The following TRPV1 variants were observed in gnomAD, a reference collection of about 807,000 sequenced individuals.
TRPV1 encodes the protein OTRPC1.
In TRPV1, 82 loss-of-function variants were observed where a neutral mutation model predicts 82.3. That is an observed-to-expected ratio of 1.00 (90% CI 0.83 to 1.20). The LOEUF (loss-of-function observed/expected upper bound fraction) is 1.20. Ranked by LOEUF, TRPV1 falls within the 50% of genes most tolerant of loss-of-function variation. TRPV1 has a pLI of 0.00. For synonymous variants in TRPV1, 515 were observed against 467.7 expected (o/e 1.10, Z -1.30); for missense variants, 1,067 against 1,096.8 (o/e 0.97, Z 0.38).
At chr17:3,591,592 C>T (rs562972279) in intron 3 of TRPV1, among the ~76,000 whole-genome samples, 1 of 152,226 alleles carries the variant, frequency 6.6e-6, no homozygotes, top group African/African-American at 2.4e-5. Context: ...GAAAGTCACC[C>T]TCCTACTCCC....
chr17:3,592,426 C>CA, intron 2 of TRPV1, 43 bp from the exon 3 acceptor site: 1 of 1,492,924 alleles, frequency 6.7e-7, no homozygotes, highest in Non-Finnish European at 8.9e-7. Context: ...AAAGTAAGGA[C>CA]TGCTTGTCCT....
intron 10 of TRPV1, among the ~76,000 whole-genome samples, chr17:3,582,285 T>C (rs1240995022): frequency 3.3e-5 from 5 of 150,246 alleles, no homozygotes; most frequent in Non-Finnish European, 5.9e-5. Flanking sequence ...GGTGGGAGGA[T>C]TGCTTGAGCC....
At chr17:3,588,991 T>C in intron 7 of TRPV1, 2 of 1,531,032 alleles carry the variant, frequency 1.3e-6, no homozygotes, top group Non-Finnish European at 1.7e-6. Flanking sequence ...AGAAAGAGAA[T>C]GCAAGAAATG....
Position 3,572,828 on chromosome 17 carries a change from C to T in TRPV1, c.2104-579G>A, listed in dbSNP as rs536378174. On this transcript the variant is annotated intron_variant, in intron 14 of 16. Coordinates refer to ENST00000572705, the MANE Select transcript of TRPV1 (RefSeq NM_080704.4). ...TGAAACCCCATCTCTACTAAAAATA[C>T]AAAAATTAGCTGGGTGTGGTGGTGG... 2.3e-4 allele frequency among the ~76,000 whole-genome samples: 35 copies of T among 152,024 alleles called. No individual in the cohort carries two copies. In the South Asian group the frequency reaches 6.2e-3, roughly 27 times the overall value.
chr17:3,594,458 G>T (rs895831021), intron 2 of TRPV1, among the ~76,000 whole-genome samples: 1 of 152,088 alleles, frequency 6.6e-6, no homozygotes, highest in African/African-American at 2.4e-5. Context: ...GGCCATGGCT[G>T]TAAACCAGCT....
At chr17:3,580,644 G>GTT in intron 10 of TRPV1, 117 bp from the exon 11 acceptor site, 1 of 1,100,944 alleles carries the variant, frequency 9.1e-7, no homozygotes, top group Non-Finnish European at 1.4e-6. Context: ...TGAAAGCACA[G>GTT]ATTGTGAAAA....
intron 8 of TRPV1, among the ~76,000 whole-genome samples, chr17:3,586,998 CTCT>C (rs1367484541): frequency 6.6e-6 from 1 of 152,106 alleles, no homozygotes; most frequent in Non-Finnish European, 1.5e-5. Context: ...TAGGGAATAC[CTCT>C]TCTTTGGTCT....
intron 10 of TRPV1, among the ~76,000 whole-genome samples, chr17:3,582,189 CAAAAAAA>C (rs71153376): frequency 3.9e-5 from 1 of 25,914 alleles, no homozygotes; most frequent in Non-Finnish European, 7.3e-5. Context: ...GACTCCATCT[CAAAAAAA>C]AAAAAAAAAA....
At chr17:3,569,217 G>C (rs201227507) in intron 16 of TRPV1, among the ~76,000 whole-genome samples, 1 of 152,072 alleles carries the variant, frequency 6.6e-6, no homozygotes, top group Non-Finnish European at 1.5e-5. Context: ...GTATACATAT[G>C]TAACAAACCT....
intron 13 of TRPV1, among the ~76,000 whole-genome samples, chr17:3,576,668 A>AAAAAAAAAAATATATATATATATAT: frequency 2.3e-4 from 9 of 38,418 alleles, no homozygotes; most frequent in Admixed American, 4.5e-4. Flanking sequence ...AAAAAAAAAA[A>AAAAAAAAAAATATATATATATATAT]ATATATATAT....
At chr17:3,597,718 G>T (rs2075231913) in intron 2 of TRPV1, among the ~76,000 whole-genome samples, 1 of 140,608 alleles carries the variant, frequency 7.1e-6, no homozygotes, top group African/African-American at 2.9e-5. Context: ...CTGTCGTCCA[G>T]GCTGGAGTGC....
At chr17:3,600,741 G>A (rs930265407) in intron 2 of TRPV1, among the ~76,000 whole-genome samples, 6 of 152,158 alleles carry the variant, frequency 3.9e-5, no homozygotes, top group African/African-American at 1.4e-4. Context: ...TCAGAGGCCT[G>A]CAGGGGAAGT....
At position 3,567,093 on chromosome 17, in the gene TRPV1, C is replaced by T. The variant is rs552681585; in HGVS notation, c.2348-106G>A. ...GAGGTCCAAGACAGGCACGATGGCT[C>T]ATGCCTGTAATCCCAGCACTTTGGG... is the stretch of plus-strand genomic sequence containing the variant. On this transcript the variant is annotated intron_variant, in intron 16 of 16. Transcript: ENST00000572705. 73 of 1,331,500 alleles carry T rather than the reference C, an allele frequency of 5.5e-5. No homozygotes were observed. In the Middle Eastern group the frequency reaches 8.3e-4, roughly 15 times the overall value. The allele number at this position is 1,331,500 out of a possible 1,614,324, so 82.5% of individuals were successfully genotyped here. A position where few individuals can be genotyped will look rare whatever the true frequency, so the allele number is the denominator to read the frequency against.
chr17:3,583,474 T>C, intron 9 of TRPV1, 44 bp from the exon 10 acceptor site: 2 of 1,462,052 alleles, frequency 1.4e-6, no homozygotes, highest in Non-Finnish European at 1.9e-6. Context: ...ACTCATTCGT[T>C]CATTCAACAA....
intron 14 of TRPV1, 101 bp downstream of exon 14, chr17:3,573,532 G>GCCCACCCCCCCCCCCC: frequency 3.9e-6 from 1 of 257,076 alleles, no homozygotes. Context: ...GCCACACACC[G>GCCCACCCCCCCCCCCC]CCCCCACCAC....
intron 2 of TRPV1, among the ~76,000 whole-genome samples, chr17:3,605,982 A>G (rs996137333): frequency 6.6e-6 from 1 of 152,026 alleles, no homozygotes. Context: ...TTTTAAAGAC[A>G]GAATCTCGCT....
At position 3,580,020 on chromosome 17, in the gene TRPV1, C is replaced by T. The variant is rs182843448; in HGVS notation, c.1547+437G>A. On this transcript the variant is annotated intron_variant, in intron 11 of 16. Coordinates refer to ENST00000572705, the MANE Select transcript of TRPV1 (RefSeq NM_080704.4). ...GCTATATACTCTACGATGCACAGGG[C>T]AGCCCCCGCCCCGCCCCGCCCCCCA... Among the ~76,000 whole-genome samples the T allele has an allele frequency of 1.2e-3, 161 of 131,064 alleles. 2 individuals are homozygous for T. Among genetic ancestry groups the T allele is most frequent in the Admixed American group, 3.6e-3 (46 of 12,758 alleles). The allele number at this position is 131,064 out of a possible 152,430, so 86.0% of individuals were successfully genotyped here.
chr17:3,570,552 A>C (rs373615269), intron 16 of TRPV1, among the ~76,000 whole-genome samples: 2 of 152,334 alleles, frequency 1.3e-5, no homozygotes, highest in African/African-American at 4.8e-5. Context: ...CAAAGTGTTC[A>C]GGGTTGTAAT....
chr17:3,608,072 G>A (rs918916593), intron 2 of TRPV1, among the ~76,000 whole-genome samples: 4 of 152,034 alleles, frequency 2.6e-5, no homozygotes, highest in South Asian at 4.2e-4. Flanking sequence ...TTAGCCAGGC[G>A]TGGTGGCAGG....
Sources: gnomAD v4.1 joint callset for allele counts (sites outside exome capture counted in the v4.1 genomes callset) on GRCh38, gnomAD v4.1.1 for gene constraint, MANE v1.5 for transcripts, NCBI Gene and HGNC (gene_info 2026-07-23, HGNC 2026-07-21) for gene names.